Variants in GREB1L observed in about 807,000 individuals in gnomAD.
GREB1L encodes the protein GREB1-like protein.
A neutral mutation model predicts 200.8 loss-of-function variants in GREB1L; 17 were observed. That is an observed-to-expected ratio of 0.08 (90% CI 0.06 to 0.13). GREB1L has a LOEUF of 0.13. Ranked by LOEUF, GREB1L falls within the 10% of genes least tolerant of loss-of-function variation. The probability of loss-of-function intolerance (pLI) is 1.00; values close to 1 mark genes in which losing one functional copy is unlikely to be tolerated. For synonymous variants in GREB1L, 789 were observed against 893.0 expected (o/e 0.88, Z 2.08); for missense variants, 1,657 against 2,367.7 (o/e 0.70, Z 6.23).
chr18:21,298,749 C>T (rs1016758577), intron 1 of GREB1L, among the ~76,000 whole-genome samples: 4 of 151,942 alleles, frequency 2.6e-5, no homozygotes, highest in Non-Finnish European at 5.9e-5. Context: ...GCTTAGGCAA[C>T]ATAGTGAGAC....
At chr18:21,294,512 T>A (rs994651232) in intron 1 of GREB1L, among the ~76,000 whole-genome samples, 1 of 151,934 alleles carries the variant, frequency 6.6e-6, no homozygotes, top group Admixed American at 6.6e-5. Flanking sequence ...TCAGGCAGAT[T>A]TGCAGAATCC....
rs1055212216 is a variant in GREB1L at position 21,524,229 on chromosome 18, T to C, written c.*1408T>C. On this transcript the variant is annotated 3_prime_UTR_variant, in exon 33 of 33. Transcript: ENST00000424526. ...TAAGCCTGCATTTACTTAGAACAAATAGTGTTAATTGACCAGCTTTATTAT... is the reference window on the plus strand; with the variant it reads ...TAAGCCTGCATTTACTTAGAACAAACAGTGTTAATTGACCAGCTTTATTAT... 3.9e-5 allele frequency: 6 copies of C among 152,180 alleles called. No homozygotes were observed. Among genetic ancestry groups the C allele is most frequent in the East Asian group, 1.9e-4 (1 of 5,200 alleles). The allele number at this position is 152,180 out of a possible 1,614,324, so 9.4% of individuals were successfully genotyped here.
intron 2 of GREB1L, among the ~76,000 whole-genome samples, chr18:21,376,672 G>A (rs1436504541): frequency 6.6e-6 from 1 of 151,354 alleles, no homozygotes; most frequent in East Asian, 2.0e-4. Context: ...GGGCATGGTG[G>A]CAGGCGCCTC....
At chr18:21,429,176 TCCTTCCCCTCCCTTC>T (rs2032925291) in intron 7 of GREB1L, among the ~76,000 whole-genome samples, 1 of 49,010 alleles carries the variant, frequency 2.0e-5, no homozygotes, top group Non-Finnish European at 3.5e-5. Flanking sequence ...TCCCCTCCCT[TCCTTCCCCTCCCTTC>T]CCCTCCCCTC....
intron 15 of GREB1L, among the ~76,000 whole-genome samples, chr18:21,461,096 C>A (rs1429490738): frequency 1.0e-3 from 131 of 129,958 alleles, no homozygotes; most frequent in Admixed American, 1.1e-3. Context: ...GACTCCATCT[C>A]AAAAAAAAAA....
At position 21,287,913 on chromosome 18, in the gene GREB1L, A is replaced by G. The variant is rs559499539; in HGVS notation, c.-120+45520A>G. ...GGGTTCAAGTGATTCTCTTGCCTCA[A>G]CCTCCCGGGTAGCTGGGATTACAGG... On this transcript the variant is annotated intron_variant, in intron 1 of 32. Coordinates refer to ENST00000424526, the MANE Select transcript of GREB1L (RefSeq NM_001142966.3). Among the ~76,000 whole-genome samples the G allele has an allele frequency of 1.5e-4, 22 of 150,366 alleles. No individual in the cohort carries two copies. In the East Asian group the frequency reaches 3.3e-3, roughly 23 times the overall value.
chr18:21,244,576 T>C (rs1317513718), intron 1 of GREB1L, among the ~76,000 whole-genome samples: 1 of 152,178 alleles, frequency 6.6e-6, no homozygotes, highest in East Asian at 1.9e-4. Flanking sequence ...ACGATTAAAA[T>C]AGTTGTCCTA....
chr18:21,272,583 T>G (rs1016309815), intron 1 of GREB1L, among the ~76,000 whole-genome samples: 4 of 152,224 alleles, frequency 2.6e-5, no homozygotes, highest in Non-Finnish European at 4.4e-5. Context: ...TTATCAACGG[T>G]TAAAATATGA....
chr18:21,419,130 GGCCATACCATATA>G (rs1466736177), intron 7 of GREB1L, among the ~76,000 whole-genome samples: 3 of 152,100 alleles, frequency 2.0e-5, no homozygotes, highest in Non-Finnish European at 2.9e-5. Flanking sequence ...TGGGGCAGTA[GGCCATACCATATA>G]GCCTATGTGT....
intron 1 of GREB1L, among the ~76,000 whole-genome samples, chr18:21,297,971 A>G (rs2144657116): frequency 6.6e-6 from 1 of 152,196 alleles, no homozygotes; most frequent in East Asian, 1.9e-4. Context: ...GATGGCCATC[A>G]TTTGGTGACT....
At chr18:21,278,571 C>T (rs534748720) in intron 1 of GREB1L, among the ~76,000 whole-genome samples, 1 of 151,982 alleles carries the variant, frequency 6.6e-6, no homozygotes, top group African/African-American at 2.4e-5. Context: ...GTAAAGTGTT[C>T]TGGGTGTAAA....
intron 14 of GREB1L, among the ~76,000 whole-genome samples, chr18:21,453,599 A>G (rs2145459342): frequency 6.6e-6 from 1 of 152,312 alleles, no homozygotes; most frequent in Non-Finnish European, 1.5e-5. Flanking sequence ...TATACTTGCA[A>G]TAAAAAGCTA....
intron 7 of GREB1L, among the ~76,000 whole-genome samples, chr18:21,422,692 T>C (rs939633145): frequency 1.3e-5 from 2 of 152,216 alleles, no homozygotes; most frequent in East Asian, 1.9e-4. Context: ...CTGCTCCCTA[T>C]TGATAGGCAT....
intron 15 of GREB1L, among the ~76,000 whole-genome samples, chr18:21,460,394 G>A (rs1177028349): frequency 6.6e-6 from 1 of 152,020 alleles, no homozygotes. Flanking sequence ...TGCCCAGGTT[G>A]GAGTGCAATG....
rs368057960 is a variant in GREB1L at position 21,498,688 on chromosome 18, A to G, written c.3392-1041A>G. ...GTGTCCCTCCCTACAGGCCATGCTC[A>G]TGACACAGAGCACAGGGACCCCAGC... On this transcript the variant is annotated intron_variant, in intron 21 of 32. Coordinates refer to ENST00000424526, the MANE Select transcript of GREB1L (RefSeq NM_001142966.3). Among the ~76,000 whole-genome samples, 306 of 152,300 alleles carry G rather than the reference A, an allele frequency of 2.0e-3. 2 individuals are homozygous for G. The highest frequency in any genetic ancestry group is 6.9e-3 in the African/African-American group (286 of 41,562).
intron 1 of GREB1L, among the ~76,000 whole-genome samples, chr18:21,336,587 T>C (rs1328898774): frequency 2.0e-5 from 3 of 152,250 alleles, no homozygotes; most frequent in African/African-American, 7.2e-5. Context: ...CAAGGAAACT[T>C]TGAATAAGCA....
chr18:21,433,856 A>G (rs188665708), intron 7 of GREB1L, among the ~76,000 whole-genome samples: 5 of 152,290 alleles, frequency 3.3e-5, no homozygotes, highest in Admixed American at 6.5e-5. Context: ...TAATCGATCT[A>G]GCTGTTCTGC....
At chr18:21,391,183 C>T (rs183324932) in intron 4 of GREB1L, among the ~76,000 whole-genome samples, 8 of 152,306 alleles carry the variant, frequency 5.3e-5, no homozygotes, top group Admixed American at 5.2e-4. Flanking sequence ...GTCCTGCAAG[C>T]TCTGTTTTAA....
chr18:21,352,466 C>A (rs2039447835), intron 1 of GREB1L, among the ~76,000 whole-genome samples: 1 of 151,270 alleles, frequency 6.6e-6, no homozygotes, highest in African/African-American at 2.4e-5. Context: ...TTTTTATGCA[C>A]TCTGTTGCCC....
Sources: allele counts gnomAD v4.1 joint callset (sites outside exome capture counted in the v4.1 genomes callset), GRCh38; gene constraint gnomAD v4.1.1; transcripts MANE v1.5; gene names NCBI Gene and HGNC (gene_info 2026-07-23, HGNC 2026-07-21).